MRPS18A: variants seen among roughly 807,000 people sequenced by gnomAD.
MRPS18A encodes the protein large ribosomal subunit protein mL66.
In MRPS18A, 20 loss-of-function variants were observed where a neutral mutation model predicts 22.7. That is an observed-to-expected ratio of 0.88 (90% CI 0.62 to 1.28). The LOEUF (loss-of-function observed/expected upper bound fraction) is 1.28, where lower values mean the gene tolerates loss of function less well. Ranked by LOEUF, MRPS18A falls within the 50% of genes most tolerant of loss-of-function variation. MRPS18A has a pLI of 0.00. For missense variants in MRPS18A, 294 were observed against 262.6 expected, an observed-to-expected ratio of 1.12 and a Z score of -0.83; for synonymous variants, 106 against 99.1, an observed-to-expected ratio of 1.07 and a Z score of -0.41.
At chr6:43,680,297 G>C (rs943712444) in intron 2 of MRPS18A, among the ~76,000 whole-genome samples, 2 of 152,192 alleles carry the variant, frequency 1.3e-5, no homozygotes, top group Admixed American at 1.3e-4. Flanking sequence ...AAGGCAGAGG[G>C]AGCATTCTAG....
Position 43,671,440 on chromosome 6 carries a change from G to A in MRPS18A, c.*322C>T, listed in dbSNP as rs568590559. The A allele has an allele frequency of 2.5e-5, 11 of 440,276 alleles. No individual in the cohort carries two copies. The highest frequency in any genetic ancestry group is 7.6e-5 in the South Asian group (3 of 39,622). 27.3% of individuals were successfully genotyped at this position (440,276 alleles called of 1,614,324 possible). A position where few individuals can be genotyped will look rare whatever the true frequency, so the allele number is the denominator to read the frequency against. On this transcript the variant is annotated 3_prime_UTR_variant, in exon 6 of 6. Transcript: ENST00000372133. ...CCCCTGCACTTCCCAAGCAGTGAGCGCACACCCAATGGGTAAGCCCATGAA... is the reference window on the plus strand; with the variant it reads ...CCCCTGCACTTCCCAAGCAGTGAGCACACACCCAATGGGTAAGCCCATGAA...
chr6:43,685,485 C>T (rs1359984979), intron 1 of MRPS18A, among the ~76,000 whole-genome samples: 6 of 152,128 alleles, frequency 3.9e-5, no homozygotes, highest in African/African-American at 7.2e-5. Context: ...GCCAGTAGTA[C>T]CAGTTGTGAC....
intron 5 of MRPS18A, 47 bp from the exon 6 acceptor site, chr6:43,671,953 G>T: frequency 1.3e-6 from 2 of 1,528,432 alleles, no homozygotes; most frequent in Non-Finnish European, 1.8e-6. Context: ...GGGGGCCCAA[G>T]CTGGACGTGG....
chr6:43,676,396 C>T (rs150246245), intron 3 of MRPS18A, among the ~76,000 whole-genome samples: 1 of 152,172 alleles, frequency 6.6e-6, no homozygotes, highest in Non-Finnish European at 1.5e-5. Context: ...CTCTGAAGTG[C>T]GAGGAAGGCA....
At chr6:43,679,740 A>G (rs758375144) in intron 2 of MRPS18A, among the ~76,000 whole-genome samples, 1 of 152,142 alleles carries the variant, frequency 6.6e-6, no homozygotes, top group Non-Finnish European at 1.5e-5. Context: ...TTGGCTGTGC[A>G]GGGCACTGCT....
At chr6:43,680,425 G>A (rs772753181) in intron 2 of MRPS18A, among the ~76,000 whole-genome samples, 3 of 152,176 alleles carry the variant, frequency 2.0e-5, no homozygotes, top group Non-Finnish European at 2.9e-5. Context: ...GCCTCTGGGA[G>A]CTCTGTGCAG....
At chr6:43,675,923 G>A (rs1190558353) in intron 3 of MRPS18A, among the ~76,000 whole-genome samples, 3 of 151,750 alleles carry the variant, frequency 2.0e-5, no homozygotes, top group African/African-American at 7.3e-5. Flanking sequence ...GCGCAATCTC[G>A]GGTCACTGCA....
At chr6:43,678,916 T>C (rs1774224338) in intron 2 of MRPS18A, among the ~76,000 whole-genome samples, 1 of 149,480 alleles carries the variant, frequency 6.7e-6, no homozygotes. Flanking sequence ...CTCTATCAAT[T>C]GAATGCTACC....
chr6:43,686,135 G>GA (rs796142625), intron 1 of MRPS18A, among the ~76,000 whole-genome samples: 24 of 152,194 alleles, frequency 1.6e-4, no homozygotes, highest in African/African-American at 5.1e-4. Flanking sequence ...CTCTCCAAAG[G>GA]AAAAAATTAA....
Position 43,678,573 on chromosome 6 carries a change from G to A in MRPS18A, c.197C>T (p.Pro66Leu), listed in dbSNP as rs755849170. 5 of 1,613,876 alleles carry A rather than the reference G, an allele frequency of 3.1e-6. No individual in the cohort carries two copies. In the Admixed American group the frequency reaches 8.3e-5, roughly 27 times the overall value. ...TPKESPNPPNPSGQCPICRWN... is the reference protein window; with the variant it reads ...TPKESPNPPNLSGQCPICRWN... The stretch of plus-strand genomic sequence containing the variant: ...ACGGCAGATGGGGCACTGGCCAGAG[G>A]GGTTAGGAGGATTTGGACTCTCCTT... Residue 66 changes from proline to leucine, a missense_variant, in exon 3 of 6, where the codon CCC (proline) becomes CTC (leucine). Physicochemically the swap from Pro to Leu is moderately conservative, Grantham distance 98. Coordinates refer to ENST00000372133, the MANE Select transcript of MRPS18A (RefSeq NM_018135.4).
chr6:43,686,416 G>A (rs1774700490), intron 1 of MRPS18A, among the ~76,000 whole-genome samples: 1 of 152,136 alleles, frequency 6.6e-6, no homozygotes, highest in Admixed American at 6.5e-5. Context: ...AGTTAATCAG[G>A]CAATATCCAG....
intron 1 of MRPS18A, among the ~76,000 whole-genome samples, chr6:43,683,234 C>T (rs1308641488): frequency 6.6e-6 from 1 of 152,174 alleles, no homozygotes; most frequent in East Asian, 1.9e-4. Flanking sequence ...AATCATCTTA[C>T]TAGAAGCCAG....
At chr6:43,677,111 G>T (rs1774096942) in intron 3 of MRPS18A, among the ~76,000 whole-genome samples, 1 of 152,222 alleles carries the variant, frequency 6.6e-6, no homozygotes, top group African/African-American at 2.4e-5. Context: ...CTGGTAGGAA[G>T]AGTGCCCTAC....
intron 1 of MRPS18A, among the ~76,000 whole-genome samples, chr6:43,686,062 C>A (rs1159869992): frequency 1.3e-5 from 2 of 152,218 alleles, no homozygotes; most frequent in Non-Finnish European, 2.9e-5. Flanking sequence ...CCTTGGCCTT[C>A]CAAAGTGCTG....
At chr6:43,683,538 G>A (rs980633844) in intron 1 of MRPS18A, among the ~76,000 whole-genome samples, 2 of 152,196 alleles carry the variant, frequency 1.3e-5, no homozygotes, top group African/African-American at 2.4e-5. Context: ...AGAAGTGGGG[G>A]TGGCTAAGAA....
intron 2 of MRPS18A, among the ~76,000 whole-genome samples, chr6:43,680,016 T>G (rs1371084623): frequency 6.6e-6 from 1 of 152,184 alleles, no homozygotes; most frequent in Non-Finnish European, 1.5e-5. Flanking sequence ...CAGTCAGCCA[T>G]GGCCATGCCG....
chr6:43,681,437 C>A (rs907891643), intron 1 of MRPS18A, among the ~76,000 whole-genome samples: 1 of 152,220 alleles, frequency 6.6e-6, no homozygotes, highest in South Asian at 2.1e-4. Flanking sequence ...TTGGTCAGAT[C>A]CTGTCCTACG....
chr6:43,675,501 G>A lies in MRPS18A; in HGVS notation c.369C>T (p.His123=). The A allele has an allele frequency of 1.9e-6, 3 of 1,614,204 alleles. No individual in the cohort carries two copies. Among genetic ancestry groups the A allele is most frequent in the Non-Finnish European group, 2.5e-6 (3 of 1,180,026 alleles). Residue 123 remains histidine (H), a synonymous_variant, in exon 4 of 6, where the codon CAC becomes CAT. Coordinates refer to ENST00000372133, the MANE Select transcript of MRPS18A (RefSeq NM_018135.4). ...RKIEECVKMA[H]RAGLLPNHRP... is the part of the protein sequence containing the mutation. ...GTCCCCAGGGCCTTCTACCTGCTCG[G>A]TGGGCCATCTTCACACACTCCTCGA...
At position 43,680,889 on chromosome 6, in the gene MRPS18A, A is replaced by C. The variant is rs557434073; in HGVS notation, c.144+200T>G. Among the ~76,000 whole-genome samples, 100 of 152,374 alleles carry C rather than the reference A, an allele frequency of 6.6e-4. 1 individual carries two copies. The highest frequency in any genetic ancestry group is 1.9e-3 in the African/African-American group (78 of 41,596). ...ACTTTCATCAAATAGCAGATACCTC[A>C]GCCCAGGCACAGCAACTGTTCCTGA... On this transcript the variant is annotated intron_variant, in intron 2 of 5. Transcript: ENST00000372133.
Sources: allele counts gnomAD v4.1 joint callset (sites outside exome capture counted in the v4.1 genomes callset), GRCh38; gene constraint gnomAD v4.1.1; transcripts MANE v1.5; gene names NCBI Gene and HGNC (gene_info 2026-07-23, HGNC 2026-07-21).